Variants in KCNIP1 observed in about 807,000 individuals in gnomAD.
The protein encoded by KCNIP1 is potassium voltage-gated channel interacting protein 1.
A neutral mutation model predicts 33.0 loss-of-function variants in KCNIP1; 18 were observed. That is an observed-to-expected ratio of 0.55 (90% CI 0.38 to 0.81). The LOEUF is 0.81. KCNIP1 is among the 30% of genes least tolerant of loss of function. The pLI, the probability that KCNIP1 is intolerant of heterozygous loss-of-function variation, is 0.00. For missense variants in KCNIP1, 238 were observed against 271.6 expected (o/e 0.88, Z 0.87); for synonymous variants, 93 against 98.3 (o/e 0.95, Z 0.32).
intron 1 of KCNIP1, among the ~76,000 whole-genome samples, chr5:170,446,915 C>T (rs923956795): frequency 2.2e-4 from 34 of 152,230 alleles, no homozygotes; most frequent in African/African-American, 8.2e-4. Context: ...CTGACTGAAC[C>T]AAATTTCCTC....
At chr5:170,609,374 G>A (rs1759054821) in intron 1 of KCNIP1, among the ~76,000 whole-genome samples, 1 of 152,182 alleles carries the variant, frequency 6.6e-6, no homozygotes, top group Non-Finnish European at 1.5e-5. Context: ...TTTCCAAAGG[G>A]ATTAGGAAGC....
At chr5:170,418,366 G>T (rs1416146104) in intron 1 of KCNIP1, among the ~76,000 whole-genome samples, 1 of 152,206 alleles carries the variant, frequency 6.6e-6, no homozygotes, top group Non-Finnish European at 1.5e-5. Context: ...AGGAGGTGGA[G>T]GTTGCAGAGC....
At chr5:170,383,334 C>T (rs889392006) in intron 1 of KCNIP1, 10 of 563,860 alleles carry the variant, frequency 1.8e-5, no homozygotes, top group African/African-American at 1.1e-4. Context: ...TTTGAGTGCC[C>T]ACTATCCACT....
chr5:170,678,273 T>C (rs1027247504), intron 1 of KCNIP1: 3 of 152,206 alleles, frequency 2.0e-5, no homozygotes, highest in Admixed American at 1.3e-4. Context: ...CAGGTAGATT[T>C]TGGGTTGTCA....
At chr5:170,512,097 G>C (rs73803733) in intron 1 of KCNIP1, among the ~76,000 whole-genome samples, 34 of 152,300 alleles carry the variant, frequency 2.2e-4, no homozygotes, top group African/African-American at 8.2e-4. Context: ...GGGGCAGAAG[G>C]CCAATTAGCA....
chr5:170,632,106 C>T (rs1394528460), intron 1 of KCNIP1, among the ~76,000 whole-genome samples: 1 of 152,188 alleles, frequency 6.6e-6, no homozygotes, highest in Non-Finnish European at 1.5e-5. Context: ...GTCCTCCTGC[C>T]CAGTCCCCAG....
At chr5:170,363,208 G>T (rs4867961) in intron 1 of KCNIP1, among the ~76,000 whole-genome samples, 24,930 of 152,190 alleles carry the variant, frequency 0.16, 2,157 homozygotes, top group Admixed American at 0.19. Context: ...CACTGTGGTT[G>T]AAAAGGTCAT....
chr5:170,402,343 A>G (rs1486452510), intron 1 of KCNIP1, among the ~76,000 whole-genome samples: 3 of 152,214 alleles, frequency 2.0e-5, no homozygotes, highest in African/African-American at 7.2e-5. Context: ...TCTGAGAGGG[A>G]GGTGAATTAG....
intron 1 of KCNIP1, among the ~76,000 whole-genome samples, chr5:170,618,495 G>A (rs1759474561): frequency 9.2e-6 from 1 of 109,190 alleles, no homozygotes; most frequent in Admixed American, 9.1e-5. Flanking sequence ...AGGAAGGGAG[G>A]GAGGGAGGAA....
chr5:170,493,977 C>A (rs1312552079), intron 1 of KCNIP1, among the ~76,000 whole-genome samples: 1 of 152,186 alleles, frequency 6.6e-6, no homozygotes, highest in Non-Finnish European at 1.5e-5. Context: ...AGAGCAGGGG[C>A]CCGGTGGCTG....
chr5:170,697,365 C>A (rs976383816), intron 1 of KCNIP1, among the ~76,000 whole-genome samples: 1 of 152,214 alleles, frequency 6.6e-6, no homozygotes, highest in Non-Finnish European at 1.5e-5. Context: ...CTGTTCATCA[C>A]TGTAATCATC....
chr5:170,487,053 A>G (rs2113188337), intron 1 of KCNIP1, among the ~76,000 whole-genome samples: 1 of 152,344 alleles, frequency 6.6e-6, no homozygotes, highest in East Asian at 1.9e-4. Context: ...ATATCTATAT[A>G]TCTAGAGAGA....
At chr5:170,581,944 C>A (rs1451665367) in intron 1 of KCNIP1, among the ~76,000 whole-genome samples, 1 of 152,144 alleles carries the variant, frequency 6.6e-6, no homozygotes, top group Non-Finnish European at 1.5e-5. Context: ...AGAAAGGAAG[C>A]AAGGGAGAGG....
chr5:170,456,772 G>C (rs185937422), intron 1 of KCNIP1, among the ~76,000 whole-genome samples: 1 of 128,732 alleles, frequency 7.8e-6, no homozygotes, highest in Non-Finnish European at 1.6e-5. Context: ...AGGCTGGAGT[G>C]CAGTGGTGCA....
rs113268008 is a variant in KCNIP1, at chr5:170,363,661, C to T, written c.88+9697C>T. On this transcript the variant is annotated intron_variant, in intron 1 of 7. Transcript: ENST00000377360. ...AAGCAGACTAATACAGCCCCATAGA[C>T]CATTCTTTGCATAGCATCCTTTCCT... Among the ~76,000 whole-genome samples, 298 of 152,330 alleles carry T rather than the reference C, an allele frequency of 2.0e-3. 2 individuals carry two copies. Among genetic ancestry groups the T allele is most frequent in the Middle Eastern group, 0.01 (3 of 294 alleles).
At chr5:170,735,695 G>C (rs1764365334) in intron 7 of KCNIP1, 64 bp from the exon 8 acceptor site, 3 of 1,391,138 alleles carry the variant, frequency 2.2e-6, no homozygotes, top group African/African-American at 1.4e-5. Flanking sequence ...TTGCTCACCA[G>C]AGTTACAGAG....
chr5:170,699,334 C>A (rs1763010009), intron 1 of KCNIP1, among the ~76,000 whole-genome samples: 1 of 151,934 alleles, frequency 6.6e-6, no homozygotes, highest in East Asian at 1.9e-4. Context: ...CTTGCTTTTT[C>A]TTGCACTTCT....
chr5:170,523,169 C>T (rs936066940), intron 1 of KCNIP1, among the ~76,000 whole-genome samples: 3 of 152,128 alleles, frequency 2.0e-5, no homozygotes, highest in African/African-American at 7.2e-5. Context: ...TGGGCAGCTC[C>T]CCCTGCCCCA....
intron 1 of KCNIP1, among the ~76,000 whole-genome samples, chr5:170,520,070 C>T (rs1755304654): frequency 6.6e-6 from 1 of 152,174 alleles, no homozygotes; most frequent in Admixed American, 6.5e-5. Flanking sequence ...ACGTGTCAAA[C>T]AGGAGGAGTT....
Sources: allele counts gnomAD v4.1 joint callset (sites outside exome capture counted in the v4.1 genomes callset), GRCh38; gene constraint gnomAD v4.1.1; transcripts MANE v1.5; gene names NCBI Gene and HGNC (gene_info 2026-07-23, HGNC 2026-07-21).